SAMSN1: variants seen among roughly 807,000 people sequenced by gnomAD.
The protein encoded by SAMSN1 is SAM domain-containing protein SAMSN-1.
SAMSN1 carries 31 observed loss-of-function variants against 42.0 expected under a neutral mutation model. The ratio of observed to expected loss-of-function variants is 0.74; its 90% CI spans 0.55 to 1.00. The LOEUF is 1.00. Among genes scored for constraint, SAMSN1 ranks in the 50% least tolerant of loss-of-function variants. SAMSN1 has a pLI of 0.00. For missense variants in SAMSN1, 464 were observed against 439.4 expected (o/e 1.06, Z -0.50); for synonymous variants, 178 against 151.9 (o/e 1.17, Z -1.26).
At chr21:14,502,234 G>A (rs1272248302) in intron 5 of SAMSN1, among the ~76,000 whole-genome samples, 2 of 147,588 alleles carry the variant, frequency 1.4e-5, no homozygotes, top group African/African-American at 2.7e-5. Flanking sequence ...TCATCTGTCT[G>A]TCTAGTCCTG....
intron 2 of SAMSN1, among the ~76,000 whole-genome samples, chr21:14,573,043 A>C (rs760959290): frequency 6.6e-6 from 1 of 152,192 alleles, no homozygotes; most frequent in Non-Finnish European, 1.5e-5. Flanking sequence ...AAATAAAGTC[A>C]AGTGCTAAGT....
chr21:14,486,348 A>C (rs1474876226), intron 7 of SAMSN1, among the ~76,000 whole-genome samples: 1 of 152,180 alleles, frequency 6.6e-6, no homozygotes, highest in Admixed American at 6.6e-5. Flanking sequence ...GTTCATTTGC[A>C]GTTTCATGGA....
At chr21:14,489,057 T>C (rs1986563397) in intron 7 of SAMSN1, among the ~76,000 whole-genome samples, 1 of 152,198 alleles carries the variant, frequency 6.6e-6, no homozygotes, top group Non-Finnish European at 1.5e-5. Flanking sequence ...TTATGGGTGT[T>C]TCTTTCCTGC....
In SAMSN1 at chr21:14,485,971, C is replaced by T. The variant is rs770306301; in HGVS notation, c.1063G>A (p.Glu355Lys). ...GNSDNGKEDL[E>K]SENLSDMVHK... is the part of the protein sequence containing the mutation. ...ACCATGTCAGACAGATTTTCAGACT[C>T]CAGATCCTCTTTGCCATTATCTGAA... Residue 355 changes from glutamate (E) to lysine (K), a missense_variant, in exon 8 of 8, where the codon GAG becomes AAG. By Grantham distance (56) the Glu-to-Lys change is moderately conservative. Transcript: ENST00000400566. 1 of 1,613,764 alleles carries T rather than the reference C, an allele frequency of 6.2e-7. No individual in the cohort carries two copies. Among genetic ancestry groups the T allele is most frequent in the Non-Finnish European group, 8.5e-7 (1 of 1,179,760 alleles).
chr21:14,496,292 C>A (rs1357159334), intron 7 of SAMSN1: 2 of 152,184 alleles, frequency 1.3e-5, no homozygotes, highest in Non-Finnish European at 2.9e-5. Context: ...TTACAGCAGA[C>A]TCCCTTTGAT....
At chr21:14,547,297 C>T (rs1005409916), upstream of SAMSN1, among the ~76,000 whole-genome samples, 5 of 152,086 alleles carry the variant, frequency 3.3e-5, no homozygotes, top group African/African-American at 1.2e-4. Context: ...ATAATTGCTG[C>T]CCTGGTGATG....
intron 2 of SAMSN1, among the ~76,000 whole-genome samples, chr21:14,577,265 T>TAC (rs1981522635): frequency 3.8e-5 from 2 of 52,924 alleles, no homozygotes; most frequent in South Asian, 1.3e-3. Flanking sequence ...TATATATATA[T>TAC]ATATATATAT....
Position 14,514,574 on chromosome 21 carries a change from C to T in SAMSN1, c.280-2001G>A, listed in dbSNP as rs1056808812. On this transcript the variant is annotated intron_variant, in intron 3 of 7. Transcript: ENST00000400566. ...GGAGAAATTAGGGAGTTTATATATA[C>T]GTGGTAATACAATTCAGAGAATTTA... 9.2e-5 allele frequency among the ~76,000 whole-genome samples: 14 copies of T among 152,146 alleles called. 1 individual carries two copies. The highest frequency in any genetic ancestry group is 1.4e-4 in the African/African-American group (6 of 41,504).
In SAMSN1 at chr21:14,577,284, A is replaced by ATT. The variant is rs58491748; in HGVS notation, c.261+4850_261+4851dup. Among the ~76,000 whole-genome samples the ATT allele has an allele frequency of 9.5e-3, 512 of 53,818 alleles. 44 individuals are homozygous for ATT. Among genetic ancestry groups the ATT allele is most frequent in the Non-Finnish European group, 0.012 (342 of 29,538 alleles). The allele number at this position is 53,818 out of a possible 152,430, so 35.3% of individuals were successfully genotyped here. On this transcript the variant is annotated intron_variant, in intron 2 of 8. Coordinates refer to the SAMSN1 transcript ENST00000285670. ...TATATATATATATATATATATATAT[A>ATT]TTTTTTTTTTAGAAGAGACAGGGTT...
intron 2 of SAMSN1, among the ~76,000 whole-genome samples, chr21:14,636,911 G>A (rs1195865690): frequency 6.6e-6 from 1 of 152,110 alleles, no homozygotes; most frequent in African/African-American, 2.4e-5. Flanking sequence ...ATCAAGTATT[G>A]TTATACTTTA....
chr21:14,493,206 C>T (rs979026963), intron 7 of SAMSN1, among the ~76,000 whole-genome samples: 1 of 152,184 alleles, frequency 6.6e-6, no homozygotes, highest in Non-Finnish European at 1.5e-5. Context: ...TTCTGGCACA[C>T]AACCCACCCT....
chr21:14,552,068 A>C (rs1980615723), intron 2 of SAMSN1, among the ~76,000 whole-genome samples: 1 of 152,228 alleles, frequency 6.6e-6, no homozygotes, highest in African/African-American at 2.4e-5. Flanking sequence ...CATGTGTAAA[A>C]AAATTTGAAA....
chr21:14,507,079 A>C (rs1987445989), intron 5 of SAMSN1, among the ~76,000 whole-genome samples: 1 of 152,232 alleles, frequency 6.6e-6, no homozygotes, highest in Non-Finnish European at 1.5e-5. Flanking sequence ...ACCCACAGTC[A>C]ACATAATGCT....
chr21:14,585,371 A>G (rs1981887231), upstream of SAMSN1: 1 of 152,190 alleles, frequency 6.6e-6, no homozygotes, highest in Non-Finnish European at 1.5e-5. Context: ...GCCAAAGCTT[A>G]ATTGCTCCAC....
upstream of SAMSN1, among the ~76,000 whole-genome samples, chr21:14,586,112 A>T (rs565574819): frequency 2.6e-5 from 4 of 151,772 alleles, no homozygotes; most frequent in East Asian, 7.8e-4. Flanking sequence ...AAAATACAAA[A>T]ATCAGCTGGG....
chr21:14,558,117 A>G (rs1270082277), intron 2 of SAMSN1, among the ~76,000 whole-genome samples: 1 of 152,180 alleles, frequency 6.6e-6, no homozygotes, highest in Non-Finnish European at 1.5e-5. Context: ...GAAGGCAGAA[A>G]TTAGGCCTAT....
At chr21:14,642,190 C>T (rs1433318540) in intron 2 of SAMSN1, among the ~76,000 whole-genome samples, 2 of 152,066 alleles carry the variant, frequency 1.3e-5, no homozygotes, top group African/African-American at 4.8e-5. Context: ...CAGCTTGAAC[C>T]CATGTTGTTC....
intron 2 of SAMSN1, among the ~76,000 whole-genome samples, chr21:14,577,740 G>T (rs1981554959): frequency 6.6e-6 from 1 of 152,132 alleles, no homozygotes; most frequent in South Asian, 2.1e-4. Flanking sequence ...AGATGCAGCT[G>T]AAATCCCCTC....
intron 1 of SAMSN1, among the ~76,000 whole-genome samples, chr21:14,545,958 A>G (rs1980364686): frequency 6.6e-6 from 1 of 152,226 alleles, no homozygotes; most frequent in Admixed American, 6.5e-5. Context: ...ACTGAACTCA[A>G]ACTTCACTTA....
Sources: allele counts gnomAD v4.1 joint callset (sites outside exome capture counted in the v4.1 genomes callset), GRCh38; gene constraint gnomAD v4.1.1; transcripts MANE v1.5; gene names NCBI Gene and HGNC (gene_info 2026-07-23, HGNC 2026-07-21).